The following FGD4 variants were observed in gnomAD, a reference collection of about 807,000 sequenced individuals.
FGD4 encodes FYVE, RhoGEF and PH domain containing 4, also known as FYVE, RhoGEF and PH domain-containing protein 4.
In FGD4, 42 loss-of-function variants were observed where a neutral mutation model predicts 102.0. The observed-to-expected ratio is 0.41, with a 90% confidence interval of 0.32 to 0.53. The LOEUF (loss-of-function observed/expected upper bound fraction) is 0.53. Ranked by LOEUF, FGD4 falls within the 20% of genes least tolerant of loss-of-function variation. The pLI, the probability that FGD4 is intolerant of heterozygous loss-of-function variation, is 0.21. For missense variants in FGD4, 902 were observed against 1,078.2 expected (o/e 0.84, Z 2.29); for synonymous variants, 380 against 375.7 (o/e 1.01, Z -0.13).
intron 15 of FGD4, among the ~76,000 whole-genome samples, chr12:32,638,329 ACT>A (rs1232728706): frequency 6.6e-6 from 1 of 152,088 alleles, no homozygotes; most frequent in Non-Finnish European, 1.5e-5. Context: ...AGCTATTTAA[ACT>A]CTGAGCCTCA....
chr12:32,509,448 C>T (rs956402876), intron 1 of FGD4, among the ~76,000 whole-genome samples: 4 of 151,892 alleles, frequency 2.6e-5, no homozygotes, highest in African/African-American at 9.7e-5. Flanking sequence ...AAAAAGACAC[C>T]ATTGACTAAT....
chr12:32,509,510 C>A (rs188442925), intron 1 of FGD4, among the ~76,000 whole-genome samples: 7 of 152,248 alleles, frequency 4.6e-5, no homozygotes, highest in African/African-American at 1.4e-4. Context: ...ACAAAATATT[C>A]ATGCTTATAT....
At chr12:32,525,987 C>T (rs999341325) in intron 1 of FGD4, among the ~76,000 whole-genome samples, 1 of 152,256 alleles carries the variant, frequency 6.6e-6, no homozygotes, top group Non-Finnish European at 1.5e-5. Context: ...CGGCCCGAGC[C>T]TCCGACGAGC....
intron 1 of FGD4, among the ~76,000 whole-genome samples, chr12:32,425,197 G>A (rs945360125): frequency 2.6e-5 from 4 of 152,104 alleles, no homozygotes; most frequent in African/African-American, 9.7e-5. Context: ...GGGCTTTTAA[G>A]GTTTTAGGTC....
intron 1 of FGD4, among the ~76,000 whole-genome samples, chr12:32,502,654 C>T (rs189085349): frequency 6.6e-6 from 1 of 152,214 alleles, no homozygotes; most frequent in Non-Finnish European, 1.5e-5. Flanking sequence ...TTCTGAAATA[C>T]GCCCATGGCC....
At chr12:32,624,818 G>C (rs919939224) in intron 12 of FGD4, 158 bp from the exon 13 acceptor site, 1 of 694,464 alleles carries the variant, frequency 1.4e-6, no homozygotes, top group Middle Eastern at 4.1e-4. Flanking sequence ...GTATACAAAT[G>C]TGCATATATT....
intron 1 of FGD4, among the ~76,000 whole-genome samples, chr12:32,560,487 C>T (rs999261599): frequency 6.6e-6 from 1 of 152,264 alleles, no homozygotes; most frequent in East Asian, 1.9e-4. Flanking sequence ...AACTCCTGGG[C>T]TTAAGTGATC....
At chr12:32,432,322 AG>A in intron 1 of FGD4, among the ~76,000 whole-genome samples, 1 of 145,336 alleles carries the variant, frequency 6.9e-6, no homozygotes, top group East Asian at 2.2e-4. Flanking sequence ...GGCCTCCCAA[AG>A]GGCTGGGATT....
At chr12:32,571,459 AAAAAAAAG>A (rs1248483945) in intron 2 of FGD4, among the ~76,000 whole-genome samples, 5 of 152,090 alleles carry the variant, frequency 3.3e-5, no homozygotes, top group South Asian at 2.1e-4. Context: ...TGTCTCAAAA[AAAAAAAAG>A]AAAAAAAGAG....
At chr12:32,426,220 T>A (rs997785828) in intron 1 of FGD4, among the ~76,000 whole-genome samples, 1 of 152,186 alleles carries the variant, frequency 6.6e-6, no homozygotes, top group Non-Finnish European at 1.5e-5. Context: ...CAGCTCTTAT[T>A]ATTTTGAGAC....
At chr12:32,443,669 G>T in intron 1 of FGD4, among the ~76,000 whole-genome samples, 1 of 151,210 alleles carries the variant, frequency 6.6e-6, no homozygotes, top group African/African-American at 2.4e-5. Context: ...GGGACTACAG[G>T]AATGCAGCGC....
At chr12:32,554,753 A>C (rs1381949783) in intron 1 of FGD4, among the ~76,000 whole-genome samples, 1 of 152,240 alleles carries the variant, frequency 6.6e-6, no homozygotes, top group East Asian at 1.9e-4. Flanking sequence ...AAAAAAGATA[A>C]AGCAATTAGC....
chr12:32,494,227 T>C (rs968924098), intron 1 of FGD4, among the ~76,000 whole-genome samples: 1 of 152,168 alleles, frequency 6.6e-6, no homozygotes, highest in Non-Finnish European at 1.5e-5. Flanking sequence ...TATTTTATTT[T>C]ATTTTTGTAG....
intron 14 of FGD4, among the ~76,000 whole-genome samples, chr12:32,626,325 TC>T (rs1950167151): frequency 6.6e-6 from 1 of 151,632 alleles, no homozygotes; most frequent in Admixed American, 6.6e-5. Context: ...ATGCCTGTAA[TC>T]CCAGCTACTT....
chr12:32,414,288 A>T (rs80271306), intron 1 of FGD4, among the ~76,000 whole-genome samples: 10,838 of 151,478 alleles, frequency 0.072, 478 homozygotes, highest in Middle Eastern at 0.15. Context: ...TTTTTTTTTT[A>T]AAAAATTATT....
At chr12:32,399,999 C>G (rs1940580090) in intron 1 of FGD4, 40 bp downstream of exon 1, 1 of 1,424,188 alleles carries the variant, frequency 7.0e-7, no homozygotes. Flanking sequence ...GGCCCCGGCG[C>G]GTAGGTGCGG....
At chr12:32,560,124 A>G (rs994888801) in intron 1 of FGD4, among the ~76,000 whole-genome samples, 10 of 152,218 alleles carry the variant, frequency 6.6e-5, no homozygotes, top group African/African-American at 2.4e-4. Flanking sequence ...TCCCCCTGAA[A>G]GGCCAAGTGG....
chr12:32,541,954 T>C (rs1314501060), intron 1 of FGD4, among the ~76,000 whole-genome samples: 1 of 136,958 alleles, frequency 7.3e-6, no homozygotes, highest in Non-Finnish European at 1.6e-5. Flanking sequence ...CCTGCTTTTT[T>C]CCTCAGGGAA....
intron 1 of FGD4, among the ~76,000 whole-genome samples, chr12:32,546,471 T>C (rs1490889191): frequency 6.6e-6 from 1 of 152,274 alleles, no homozygotes; most frequent in Non-Finnish European, 1.5e-5. Context: ...GACTCGTGGC[T>C]TTGCCACTTT....
Sources: allele counts gnomAD v4.1 joint callset (sites outside exome capture counted in the v4.1 genomes callset), GRCh38; gene constraint gnomAD v4.1.1; transcripts MANE v1.5; gene names NCBI Gene and HGNC (gene_info 2026-07-23, HGNC 2026-07-21).